The following CUEDC1 variants were observed in gnomAD, a reference collection of about 807,000 sequenced individuals.
CUEDC1 encodes CUE domain-containing protein 1.
A neutral mutation model predicts 43.7 loss-of-function variants in CUEDC1; 30 were observed. The observed-to-expected ratio is 0.69, with a 90% CI of 0.51 to 0.93. The LOEUF is 0.93. Among genes scored for constraint, CUEDC1 ranks in the 40% least tolerant of loss-of-function variants. CUEDC1 has a pLI of 0.00. For missense variants in CUEDC1, 486 were observed against 549.0 expected (o/e 0.89, Z 1.15); for synonymous variants, 223 against 223.6 (o/e 1.00, Z 0.02).
intron 1 of CUEDC1, among the ~76,000 whole-genome samples, chr17:57,899,261 C>G (rs11868004): frequency 0.095 from 14,494 of 152,234 alleles, 804 homozygotes; most frequent in South Asian, 0.13. Context: ...CTGCACCCCC[C>G]CAACCACAGA....
In CUEDC1 at chr17:57,915,362, G is replaced by A. The variant is rs375508150; in HGVS notation, c.-315-29483C>T. ...GCTCAGAGGTCCCCTCAGGCAACTG[G>A]GCTCTAGCTCCCATCTCAAGTGAGG... On this transcript the variant is annotated intron_variant, in intron 1 of 10. Transcript: ENST00000577830. Among the ~76,000 whole-genome samples the A allele has an allele frequency of 7.9e-5, 12 of 151,936 alleles. No homozygotes were observed. In the East Asian group the frequency reaches 2.3e-3, roughly 29 times the overall value.
chr17:57,947,771 C>A (rs1359524129), intron 1 of CUEDC1, among the ~76,000 whole-genome samples: 1 of 151,866 alleles, frequency 6.6e-6, no homozygotes, highest in Admixed American at 6.6e-5. Flanking sequence ...ACACTGCACT[C>A]CAGCCTGGGT....
intron 2 of CUEDC1, 49 bp downstream of exon 2, chr17:57,885,180 G>A: frequency 2.0e-6 from 3 of 1,499,356 alleles, no homozygotes; most frequent in Non-Finnish European, 2.7e-6. Context: ...ACCTCCGGGG[G>A]GATGCTGTCC....
At chr17:57,871,206 A>G in intron 6 of CUEDC1, 80 bp downstream of exon 6, 1 of 1,166,828 alleles carries the variant, frequency 8.6e-7, no homozygotes. Context: ...CCTCCTCTCA[A>G]ACTCCAAATA....
intron 10 of CUEDC1, among the ~76,000 whole-genome samples, chr17:57,865,281 G>C (rs897576970): frequency 5.9e-5 from 9 of 152,194 alleles, no homozygotes; most frequent in Non-Finnish European, 4.4e-5. Context: ...AAAGCCTGAG[G>C]GGAATAGAAG....
At chr17:57,910,296 G>A (rs2074569482) in intron 1 of CUEDC1, among the ~76,000 whole-genome samples, 2 of 152,042 alleles carry the variant, frequency 1.3e-5, no homozygotes, top group African/African-American at 4.8e-5. Context: ...TCAGCCCATG[G>A]GGCCCCTGTG....
chr17:57,917,610 T>A (rs1001298431), intron 1 of CUEDC1, among the ~76,000 whole-genome samples: 4 of 152,252 alleles, frequency 2.6e-5, no homozygotes, highest in African/African-American at 9.6e-5. Context: ...GAGAGGCCTT[T>A]CTTCTCCCCA....
chr17:57,924,732 A>T (rs12941148), intron 1 of CUEDC1, among the ~76,000 whole-genome samples: 1 of 152,266 alleles, frequency 6.6e-6, no homozygotes, highest in Middle Eastern at 3.4e-3. Flanking sequence ...TGAAGAGGCC[A>T]TGCTAGAAGC....
At chr17:57,946,075 C>A (rs894301920) in intron 1 of CUEDC1, among the ~76,000 whole-genome samples, 2 of 152,042 alleles carry the variant, frequency 1.3e-5, no homozygotes, top group Non-Finnish European at 2.9e-5. Context: ...AACTAAGACT[C>A]AGAGAGATTG....
In CUEDC1 at chr17:57,861,416, G is replaced by A. The variant is rs1318155691; in HGVS notation, c.*1873C>T. The A allele has an allele frequency of 6.6e-6, 1 of 152,346 alleles. No individual in the cohort carries two copies. Among genetic ancestry groups the A allele is most frequent in the Non-Finnish European group, 1.5e-5 (1 of 68,162 alleles). 9.4% of individuals were successfully genotyped at this position (152,346 alleles called of 1,614,324 possible). On this transcript the variant is annotated 3_prime_UTR_variant, in exon 11 of 11. Transcript: ENST00000577830. ...GCCGGCAGGTCCGCAAGGTTGAGGT[G>A]CAGCGGTGCCGCAGGTGTCACCTCG...
chr17:57,869,587 C>A (rs911225293), intron 6 of CUEDC1, among the ~76,000 whole-genome samples: 2 of 152,206 alleles, frequency 1.3e-5, no homozygotes, highest in Non-Finnish European at 2.9e-5. Context: ...CATTCACCAG[C>A]ACACCAGGGG....
Position 57,934,550 on chromosome 17 carries a change from C to T in CUEDC1, c.-316+20675G>A, listed in dbSNP as rs555845152. On this transcript the variant is annotated intron_variant, in intron 1 of 10. Coordinates refer to ENST00000577830, the MANE Select transcript of CUEDC1 (RefSeq NM_001271875.2). ...CCAGCCTAGGCAATATAGCAAGACCCTGTCTCTCTAAAAAAAAAAAAAAAA... is the reference window on the plus strand; with the variant it reads ...CCAGCCTAGGCAATATAGCAAGACCTTGTCTCTCTAAAAAAAAAAAAAAAA... 1.0e-4 allele frequency among the ~76,000 whole-genome samples: 13 copies of T among 129,482 alleles called. No individual in the cohort carries two copies. In the East Asian group the frequency reaches 2.7e-3, roughly 27 times the overall value. 84.9% of individuals were successfully genotyped at this position (129,482 alleles called of 152,430 possible).
intron 1 of CUEDC1, among the ~76,000 whole-genome samples, chr17:57,943,155 G>A (rs1297134525): frequency 6.6e-6 from 1 of 152,178 alleles, no homozygotes; most frequent in Non-Finnish European, 1.5e-5. Flanking sequence ...CAGGATGAGA[G>A]GGCTGATGGT....
chr17:57,931,479 A>G (rs1218466177), intron 1 of CUEDC1, among the ~76,000 whole-genome samples: 6 of 152,070 alleles, frequency 3.9e-5, no homozygotes, highest in Admixed American at 3.9e-4. Flanking sequence ...ACCCTCCTCT[A>G]AAGAAGTGGG....
At chr17:57,946,166 A>C (rs1425552494) in intron 1 of CUEDC1, among the ~76,000 whole-genome samples, 1 of 152,162 alleles carries the variant, frequency 6.6e-6, no homozygotes, top group Non-Finnish European at 1.5e-5. Context: ...ATTCTTAATT[A>C]CATACCATTG....
At chr17:57,897,162 T>C (rs111315900) in intron 1 of CUEDC1, among the ~76,000 whole-genome samples, 40 of 152,298 alleles carry the variant, frequency 2.6e-4, no homozygotes, top group African/African-American at 9.4e-4. Context: ...GGTAGGTACA[T>C]GCATTTTCTA....
At chr17:57,874,720 C>T (rs559927637) in intron 3 of CUEDC1, among the ~76,000 whole-genome samples, 114 of 152,288 alleles carry the variant, frequency 7.5e-4, no homozygotes, top group African/African-American at 2.6e-3. Flanking sequence ...GGGGGCTGCT[C>T]TAGCTCTCGG....
At chr17:57,869,266 T>C in intron 6 of CUEDC1, 73 bp from the exon 7 acceptor site, 10 of 1,183,128 alleles carry the variant, frequency 8.5e-6, no homozygotes, top group Non-Finnish European at 9.5e-6. Context: ...TACCCACCCA[T>C]CTGAGGACAA....
chr17:57,862,039 T>C lies in CUEDC1; in HGVS notation c.*1250A>G, dbSNP rs2073885628. 1 of 152,224 alleles carries C rather than the reference T, an allele frequency of 6.6e-6. No homozygotes were observed. 9.4% of individuals were successfully genotyped at this position (152,224 alleles called of 1,614,324 possible). ...TCGCCTTCGCTACGCCCTTGTGATCTTGGGGCCACGGAGGCCACCAGGGCC... is the reference window on the plus strand; with the variant it reads ...TCGCCTTCGCTACGCCCTTGTGATCCTGGGGCCACGGAGGCCACCAGGGCC... On this transcript the variant is annotated 3_prime_UTR_variant, in exon 11 of 11. Transcript: ENST00000577830.
Sources: gnomAD v4.1 joint callset for allele counts (sites outside exome capture counted in the v4.1 genomes callset) on GRCh38, gnomAD v4.1.1 for gene constraint, MANE v1.5 for transcripts, NCBI Gene and HGNC (gene_info 2026-07-23, HGNC 2026-07-21) for gene names.